The following MIB1 variants were observed in gnomAD, a reference collection of about 807,000 sequenced individuals.
The protein encoded by MIB1 is MIB E3 ubiquitin protein ligase 1.
MIB1 carries 278 observed loss-of-function variants against 124.5 expected under a neutral mutation model. That is an observed-to-expected ratio of 2.23 (90% confidence interval 2.02 to 2.47). MIB1 has a LOEUF of 2.47. MIB1 is among the 30% of genes most tolerant of loss of function. The pLI is 0.00. For synonymous variants in MIB1, 446 were observed against 429.4 expected (o/e 1.04, Z -0.48); for missense variants, 957 against 1,254.4 (o/e 0.76, Z 3.58).
chr18:21,847,537 C>T (rs2042145776), intron 16 of MIB1, among the ~76,000 whole-genome samples: 1 of 151,646 alleles, frequency 6.6e-6, no homozygotes. Context: ...GCTGTGTTGC[C>T]CAGGTTGGGC....
In MIB1 at chr18:21,815,938, G is replaced by A. The variant is rs138450470; in HGVS notation, c.1677+125G>A. ...TATGTCATAGTAAATGATACCAAAG[G>A]CGTAAGATGTTACAAAATTGGCAGC... On this transcript the variant is annotated intron_variant, in intron 11 of 20. Coordinates refer to ENST00000261537, the MANE Select transcript of MIB1 (RefSeq NM_020774.4). 608 of 846,042 alleles carry A rather than the reference G, an allele frequency of 7.2e-4. 3 individuals are homozygous for A. The African/African-American group carries it at 8.8e-3, about 12-fold the overall frequency. 52.4% of individuals were successfully genotyped at this position (846,042 alleles called of 1,614,324 possible).
intron 12 of MIB1, among the ~76,000 whole-genome samples, chr18:21,837,775 T>C (rs1286147407): frequency 6.6e-6 from 1 of 152,230 alleles, no homozygotes; most frequent in Non-Finnish European, 1.5e-5. Flanking sequence ...GTTTACCACT[T>C]CTAAATGACA....
At chr18:21,830,200 A>G (rs967770388) in intron 12 of MIB1, among the ~76,000 whole-genome samples, 2 of 152,098 alleles carry the variant, frequency 1.3e-5, no homozygotes, top group African/African-American at 4.8e-5. Flanking sequence ...GTTCTGATTT[A>G]TTTTTGTGGC....
intron 7 of MIB1, among the ~76,000 whole-genome samples, chr18:21,797,708 T>A (rs1053353140): frequency 1.3e-5 from 2 of 152,088 alleles, no homozygotes; most frequent in Admixed American, 6.6e-5. Context: ...TTGTTTTTTT[T>A]AGAAATCCAA....
At chr18:21,825,186 G>A (rs1002737478) in intron 12 of MIB1, among the ~76,000 whole-genome samples, 1 of 152,018 alleles carries the variant, frequency 6.6e-6, no homozygotes, top group African/African-American at 2.4e-5. Flanking sequence ...CACCTTACCT[G>A]CTAACATTCA....
At chr18:21,712,944 A>C (rs2040672047) in intron 1 of MIB1, among the ~76,000 whole-genome samples, 1 of 151,972 alleles carries the variant, frequency 6.6e-6, no homozygotes, top group Non-Finnish European at 1.5e-5. Flanking sequence ...TATTATAGGA[A>C]TATTTTATAT....
chr18:21,716,834 A>G (rs1185363569), intron 1 of MIB1, among the ~76,000 whole-genome samples: 1 of 152,162 alleles, frequency 6.6e-6, no homozygotes, highest in Non-Finnish European at 1.5e-5. Context: ...CCTGGGGGAC[A>G]GAGTGAGACT....
chr18:21,724,565 C>T (rs922762707), intron 1 of MIB1, among the ~76,000 whole-genome samples: 38 of 148,954 alleles, frequency 2.6e-4, no homozygotes, highest in African/African-American at 8.9e-4. Flanking sequence ...ATTAGCCGGG[C>T]GTGGTGGCAT....
chr18:21,735,146 T>C (rs1370981960), intron 1 of MIB1, among the ~76,000 whole-genome samples: 1 of 152,172 alleles, frequency 6.6e-6, no homozygotes, highest in Non-Finnish European at 1.5e-5. Context: ...GCGAGATGGA[T>C]GCAGAAGGCA....
At chr18:21,721,270 T>G (rs1356859401) in intron 1 of MIB1, among the ~76,000 whole-genome samples, 2 of 133,968 alleles carry the variant, frequency 1.5e-5, no homozygotes, top group African/African-American at 5.5e-5. Flanking sequence ...AATATCCGCC[T>G]CCCAGATTCA....
chr18:21,818,869 A>G (rs1335214145), intron 11 of MIB1, among the ~76,000 whole-genome samples: 2 of 152,042 alleles, frequency 1.3e-5, no homozygotes, highest in African/African-American at 4.8e-5. Flanking sequence ...CGGAAAGTGG[A>G]GGTTGCAGTG....
chr18:21,809,519 C>T (rs773343582), intron 10 of MIB1, among the ~76,000 whole-genome samples: 5 of 151,936 alleles, frequency 3.3e-5, no homozygotes, highest in Non-Finnish European at 7.4e-5. Context: ...TATTAGTGAG[C>T]TACATTCAGC....
At chr18:21,720,262 G>C (rs1181185766) in intron 1 of MIB1, among the ~76,000 whole-genome samples, 4 of 152,178 alleles carry the variant, frequency 2.6e-5, no homozygotes, top group African/African-American at 9.7e-5. Context: ...TAGTAAATGA[G>C]TATCAATAGC....
intron 1 of MIB1, among the ~76,000 whole-genome samples, chr18:21,752,253 G>T (rs1455876617): frequency 6.6e-6 from 1 of 152,140 alleles, no homozygotes; most frequent in Non-Finnish European, 1.5e-5. Flanking sequence ...CTCAGCAGAA[G>T]ATGTGACATT....
chr18:21,835,856 A>G (rs910586848), intron 12 of MIB1, among the ~76,000 whole-genome samples: 19 of 55,902 alleles, frequency 3.4e-4, no homozygotes, highest in African/African-American at 1.0e-3. Context: ...CACGAGGAGT[A>G]TTGGGAAAGA....
Position 21,843,167 on chromosome 18 carries a change from C to T in MIB1, c.1999C>T (p.Gln667Ter). The T allele has an allele frequency of 6.2e-7, 1 of 1,605,630 alleles. No homozygotes were observed. Among genetic ancestry groups the T allele is most frequent in the Non-Finnish European group, 8.5e-7 (1 of 1,176,792 alleles). The stretch of plus-strand genomic sequence containing the variant: ...CCTGGATATCCAGAATGTGAACCAA[C>T]AAACTGCCCTACACCTTGCTGTTGA... ...ANLDIQNVNQ[Q>*]TALHLAVERQ... Residue 667 changes from glutamine to a stop codon, truncating the protein, a stop_gained, in exon 14 of 21, where the codon CAA becomes TAA. Transcript: ENST00000261537. LOFTEE classifies it high-confidence loss of function.
At chr18:21,797,529 CGAA>C (rs2041597177) in intron 7 of MIB1, among the ~76,000 whole-genome samples, 1 of 151,146 alleles carries the variant, frequency 6.6e-6, no homozygotes, top group African/African-American at 2.4e-5. Flanking sequence ...GAATTTTCAA[CGAA>C]GAAGAGTGAA....
intron 7 of MIB1, 51 bp from the exon 8 acceptor site, chr18:21,798,033 T>A: frequency 6.4e-7 from 1 of 1,568,972 alleles, no homozygotes; most frequent in Non-Finnish European, 8.7e-7. Flanking sequence ...GTGATTGACT[T>A]TATGGTATAT....
At chr18:21,837,486 C>T (rs142705450) in intron 12 of MIB1, among the ~76,000 whole-genome samples, 1,550 of 152,298 alleles carry the variant, frequency 0.01, 92 homozygotes, top group Admixed American at 0.094. Flanking sequence ...CCAGCCTGGT[C>T]GACAGAGCGA....
Sources: gnomAD v4.1 joint callset for allele counts (sites outside exome capture counted in the v4.1 genomes callset) on GRCh38, gnomAD v4.1.1 for gene constraint, MANE v1.5 for transcripts, NCBI Gene and HGNC (gene_info 2026-07-23, HGNC 2026-07-21) for gene names.